Variants in GTF3C1 observed in about 807,000 individuals in gnomAD.
GTF3C1 encodes general transcription factor IIIC subunit 1.
In GTF3C1, 57 loss-of-function variants were observed where a neutral mutation model predicts 226.7. The ratio of observed to expected loss-of-function variants is 0.25; its 90% confidence interval spans 0.20 to 0.31. The LOEUF is 0.31. Among genes scored for constraint, GTF3C1 ranks in the 10% least tolerant of loss-of-function variants. The pLI, the probability that GTF3C1 is intolerant of heterozygous loss-of-function variation, is 1.00. For synonymous variants in GTF3C1, 1,090 were observed against 1,084.8 expected (o/e 1.00, Z -0.09); for missense variants, 2,217 against 2,776.1 (o/e 0.80, Z 4.53).
At position 27,462,629 on chromosome 16, in the gene GTF3C1, A is replaced by C; in HGVS notation, c.5925-143T>G. 1.6e-6 allele frequency: 1 copy of C among 631,950 alleles called. No homozygotes were observed. Among genetic ancestry groups the C allele is most frequent in the South Asian group, 1.9e-5 (1 of 52,668 alleles). The allele number at this position is 631,950 out of a possible 1,614,324, so 39.1% of individuals were successfully genotyped here. A position where few individuals can be genotyped will look rare whatever the true frequency, so the allele number is the denominator to read the frequency against. On this transcript the variant is annotated intron_variant, in intron 35 of 36. Transcript: ENST00000356183. The surrounding 1 kb of genome is among the most constrained non-coding windows in gnomAD (Gnocchi z 4.5). ...GCCACCTCTTGCTCTCTGCTTTCCA[A>C]ACTCCCTGCTTCTCTCCTGTCTGGA...
At position 27,492,485 on chromosome 16, in the gene GTF3C1, T is replaced by C; in HGVS notation, c.3004A>G (p.Ile1002Val). The change falls in exon 19 of 37, where the codon ATT (isoleucine) becomes GTT (valine). Residue 1002 changes from isoleucine to valine, a missense_variant. Transcript: ENST00000356183. This position sits in a 1 kb window ranked among gnomAD's most constrained non-coding sequence, Gnocchi z 5.0. Reference sequence around the variant, plus strand: ...GGGTCGCAGATGGTAGTGTCAACAATGACTGCATTCTTCTTCAAGAAGATA... The same window carrying C: ...GGGTCGCAGATGGTAGTGTCAACAACGACTGCATTCTTCTTCAAGAAGATA... ...VFIFLKKNAV[I>V]VDTTICDPHY... 2 of 1,613,726 alleles carry C rather than the reference T, an allele frequency of 1.2e-6. No homozygotes were observed. The highest frequency in any genetic ancestry group is 2.7e-5 in the African/African-American group (2 of 75,014).
intron 5 of GTF3C1, among the ~76,000 whole-genome samples, chr16:27,533,063 C>T (rs1046543807): frequency 1.1e-4 from 16 of 151,968 alleles, no homozygotes; most frequent in Admixed American, 2.6e-4. Context: ...ACCTGGGAGG[C>T]GAAGGCCGAA....
rs1191131187 is a variant in GTF3C1, at chr16:27,495,238, C to A, written c.2605G>T (p.Ala869Ser). 6.2e-7 allele frequency: 1 copy of A among 1,612,450 alleles called. No homozygotes were observed. The highest frequency in any genetic ancestry group is 8.5e-7 in the Non-Finnish European group (1 of 1,179,160). ...GTCTCCGTGGCAAGCTCCACTTCAG[C>A]CTCCCAGGTGACACCATCTTGGCTG... Reference protein sequence around the residue: ...KGSQDGVTWEAEVELATETVY... With the variant: ...KGSQDGVTWESEVELATETVY... Residue 869 changes from alanine (A) to serine (S), a missense_variant, in exon 15 of 37, where the codon GCT becomes TCT. Around this residue, in one of 12 missense-constraint regions of GTF3C1, gnomAD observed 353 missense variants for 411.7 expected, o/e 0.86. Coordinates refer to ENST00000356183, the MANE Select transcript of GTF3C1 (RefSeq NM_001520.4).
At position 27,486,497 on chromosome 16, in the gene GTF3C1, C is replaced by T. The variant is rs143039445; in HGVS notation, c.3701-343G>A. Among the ~76,000 whole-genome samples the T allele has an allele frequency of 3.1e-4, 47 of 152,246 alleles. No homozygotes were observed. The East Asian group carries it at 9.1e-3, about 29-fold the overall frequency. On this transcript the variant is annotated intron_variant, in intron 23 of 36. Transcript: ENST00000356183. ...GCATCTTGTACAGAAGCCTACAGTGCGTGCTCGGGGCGTACCCACCGAGTG... is the reference window on the plus strand; with the variant it reads ...GCATCTTGTACAGAAGCCTACAGTGTGTGCTCGGGGCGTACCCACCGAGTG...
At chr16:27,487,600 C>T (rs533604757) in intron 23 of GTF3C1, among the ~76,000 whole-genome samples, 16 of 152,134 alleles carry the variant, frequency 1.1e-4, no homozygotes, top group Non-Finnish European at 2.4e-4. Context: ...TCCAGACCAG[C>T]CTGGACAATA....
Position 27,470,004 on chromosome 16 carries a change from C to T in GTF3C1, c.4814+104G>A. 1.1e-6 allele frequency: 1 copy of T among 899,770 alleles called. No homozygotes were observed. Among genetic ancestry groups the T allele is most frequent in the Non-Finnish European group, 1.7e-6 (1 of 574,320 alleles). The allele number at this position is 899,770 out of a possible 1,614,324, so 55.7% of individuals were successfully genotyped here. A position where few individuals can be genotyped will look rare whatever the true frequency, so the allele number is the denominator to read the frequency against. ...ATCCCCAGTCACTCATCTGCAACTC[C>T]CATCCCACAAGCTCCCAGAAGGCAC... On this transcript the variant is annotated intron_variant, in intron 31 of 36. Transcript: ENST00000356183. This position sits in a 1 kb window ranked among gnomAD's most constrained non-coding sequence, Gnocchi z 4.9.
chr16:27,497,977 C>G (rs2088345706), intron 13 of GTF3C1, among the ~76,000 whole-genome samples, 156 bp from the exon 14 acceptor site: 1 of 152,184 alleles, frequency 6.6e-6, no homozygotes, highest in Admixed American at 6.5e-5. Flanking sequence ...AACAAAATGT[C>G]AGGTCACTGA....
At chr16:27,482,100 C>T (rs899121544) in intron 26 of GTF3C1, among the ~76,000 whole-genome samples, 5 of 152,200 alleles carry the variant, frequency 3.3e-5, no homozygotes, top group Admixed American at 2.6e-4. Context: ...AAGGCTGTCC[C>T]CTGATACAAG....
chr16:27,526,158 A>C (rs2088830649), intron 6 of GTF3C1, among the ~76,000 whole-genome samples: 1 of 152,242 alleles, frequency 6.6e-6, no homozygotes, highest in Admixed American at 6.5e-5. Context: ...TTTCTTCAGA[A>C]AAAGAAGTCT....
At chr16:27,538,126 T>G (rs1191164611) in intron 3 of GTF3C1, 54 bp downstream of exon 3, 10 of 1,331,604 alleles carry the variant, frequency 7.5e-6, no homozygotes, top group Non-Finnish European at 1.0e-5. Context: ...GCATTTGGGA[T>G]TCAGGGTGCA....
chr16:27,542,093 C>T (rs1002630830), intron 2 of GTF3C1, among the ~76,000 whole-genome samples: 2 of 152,220 alleles, frequency 1.3e-5, no homozygotes, highest in Non-Finnish European at 2.9e-5. Flanking sequence ...CAGTTTGAAA[C>T]CTCTGCCTTG....
intron 7 of GTF3C1, among the ~76,000 whole-genome samples, chr16:27,510,643 C>T (rs1231045534): frequency 1.3e-5 from 2 of 152,206 alleles, no homozygotes; most frequent in African/African-American, 2.4e-5. Flanking sequence ...AGCTACCAAA[C>T]AGCCCTCCAG....
At position 27,506,005 on chromosome 16, in the gene GTF3C1, T is replaced by G. The variant is rs759057250; in HGVS notation, c.1664A>C (p.Asp555Ala). The G allele has an allele frequency of 1.9e-6, 3 of 1,613,112 alleles. No homozygotes were observed. Among genetic ancestry groups the G allele is most frequent in the Non-Finnish European group, 2.5e-6 (3 of 1,179,132 alleles). The change falls in exon 10 of 37, where the codon GAT becomes GCT. Residue 555 changes from aspartate to alanine, a missense_variant. Physicochemically the swap from Asp to Ala is moderately radical, Grantham distance 126. This residue lies in a region of GTF3C1 where 173 missense variants were observed against 207.2 expected (regional missense o/e 0.83). Transcript: ENST00000356183. Reference sequence around the variant, plus strand: ...GTTGGGTTCTGAGACGCTGCTGGTATCTAAGAGGCTGTCCCTGCTGGCAAG... The same window carrying G: ...GTTGGGTTCTGAGACGCTGCTGGTAGCTAAGAGGCTGTCCCTGCTGGCAAG... Reference protein sequence around the residue: ...QSLASRDSLLDTSSVSEPNVS... With the variant: ...QSLASRDSLLATSSVSEPNVS...
intron 24 of GTF3C1, among the ~76,000 whole-genome samples, chr16:27,485,180 T>C (rs901345792): frequency 2.0e-5 from 3 of 152,224 alleles, no homozygotes; most frequent in African/African-American, 7.2e-5. Flanking sequence ...AGGGATCTAA[T>C]AGTTGGCAGG....
Position 27,545,334 on chromosome 16 carries a change from T to C in GTF3C1, c.411A>G (p.Thr137=). The C allele has an allele frequency of 1.2e-6, 2 of 1,613,386 alleles. No individual in the cohort carries two copies. The highest frequency in any genetic ancestry group is 1.3e-5 in the African/African-American group (1 of 75,026). The change falls in exon 2 of 37, where the codon ACA becomes ACG. Residue 137 remains threonine (T), a synonymous_variant. Transcript: ENST00000356183. ...GTTACCTGTCAAAGGCTTCCACCATTGTACAGCGAGGCTGCAAGGACTTGG... is the reference window on the plus strand; with the variant it reads ...GTTACCTGTCAAAGGCTTCCACCATCGTACAGCGAGGCTGCAAGGACTTGG... ...IRTKSLQPRC[T]MVEAFDRWGK...
intron 32 of GTF3C1, among the ~76,000 whole-genome samples, chr16:27,468,787 G>A (rs988714879): frequency 6.6e-6 from 1 of 152,160 alleles, no homozygotes; most frequent in Non-Finnish European, 1.5e-5. Flanking sequence ...GTCATCAACA[G>A]AACTAAAATA....
chr16:27,484,329 GC>G lies in GTF3C1; in HGVS notation c.3882del (p.Trp1294CysfsTer30). ...NTKVKGPFVT[W>X]QVVRDILHAT... is the part of the protein sequence containing the mutation. ...GCATGCAAAATGTCCCGTACCACCTGCCAGGTGACAAATGGGCCCTTCACCT... is the reference window on the plus strand; with the variant it reads ...GCATGCAAAATGTCCCGTACCACCTGCAGGTGACAAATGGGCCCTTCACCT... On this transcript the variant is annotated frameshift_variant, in exon 25 of 37. Transcript: ENST00000356183. LOFTEE classifies it high-confidence loss of function. 1 of 1,610,118 alleles carries G rather than the reference GC, an allele frequency of 6.2e-7. No homozygotes were observed. Among genetic ancestry groups the G allele is most frequent in the Non-Finnish European group, 8.5e-7 (1 of 1,176,410 alleles).
intron 11 of GTF3C1, among the ~76,000 whole-genome samples, chr16:27,502,612 C>T (rs766480045): frequency 1.1e-4 from 16 of 152,190 alleles, no homozygotes; most frequent in Non-Finnish European, 1.8e-4. Context: ...CAGTCATTTT[C>T]TCTCTGTCTA....
chr16:27,508,974 C>T (rs879862727), intron 7 of GTF3C1, among the ~76,000 whole-genome samples: 8 of 152,334 alleles, frequency 5.3e-5, no homozygotes, highest in Admixed American at 2.6e-4. Flanking sequence ...TTTTACCCAA[C>T]GGCAGGAAAT....
Sources: allele counts gnomAD v4.1 joint callset (sites outside exome capture counted in the v4.1 genomes callset), GRCh38; gene constraint gnomAD v4.1.1; regional missense constraint gnomAD v4.1.1; non-coding constraint Gnocchi (gnomAD v3.1); transcripts MANE v1.5; gene names NCBI Gene and HGNC (gene_info 2026-07-23, HGNC 2026-07-21).